DLGAP1: variants seen among roughly 807,000 people sequenced by gnomAD.
DLGAP1 encodes disks large-associated protein 1.
A neutral mutation model predicts 90.8 loss-of-function variants in DLGAP1; 11 were observed. That is an observed-to-expected ratio of 0.12 (90% CI 0.08 to 0.20). DLGAP1 has a LOEUF of 0.20. Ranked by LOEUF, DLGAP1 falls within the 10% of genes least tolerant of loss-of-function variation. The probability of loss-of-function intolerance (pLI) is 1.00; values close to 1 mark genes in which losing one functional copy is unlikely to be tolerated. For synonymous variants in DLGAP1, 558 were observed against 540.7 expected (o/e 1.03, Z -0.44); for missense variants, 1,050 against 1,333.8 (o/e 0.79, Z 3.31).
At chr18:3,652,034 C>T (rs372402944) in intron 7 of DLGAP1, among the ~76,000 whole-genome samples, 4 of 146,632 alleles carry the variant, frequency 2.7e-5, no homozygotes, top group East Asian at 2.0e-4. Context: ...CGTGGTGGCG[C>T]GCGCCTGTAG....
chr18:3,563,924 T>C (rs1016044726), intron 9 of DLGAP1, among the ~76,000 whole-genome samples: 10 of 152,236 alleles, frequency 6.6e-5, no homozygotes, highest in Admixed American at 4.6e-4. Flanking sequence ...CTCCAGCATT[T>C]CTTTTTAAAT....
chr18:4,067,703 C>G (rs1322438082), intron 2 of DLGAP1, among the ~76,000 whole-genome samples: 1 of 151,994 alleles, frequency 6.6e-6, no homozygotes, highest in Non-Finnish European at 1.5e-5. Flanking sequence ...ACACTCTCTT[C>G]TATTGATTCC....
At chr18:3,724,589 C>CA (rs1322035744) in intron 7 of DLGAP1, among the ~76,000 whole-genome samples, 2 of 151,324 alleles carry the variant, frequency 1.3e-5, no homozygotes, top group Non-Finnish European at 2.9e-5. Context: ...ACCAAAAATA[C>CA]AAAAAATTAT....
At chr18:3,850,104 C>A (rs7244898) in intron 4 of DLGAP1, among the ~76,000 whole-genome samples, 16,865 of 152,084 alleles carry the variant, frequency 0.11, 1,019 homozygotes, top group Middle Eastern at 0.13. Context: ...CAGTGGCTCA[C>A]GTCTGTAATC....
chr18:4,129,908 G>A (rs1303887741), intron 2 of DLGAP1, among the ~76,000 whole-genome samples: 2 of 152,136 alleles, frequency 1.3e-5, no homozygotes, highest in Non-Finnish European at 2.9e-5. Flanking sequence ...AACATAATCA[G>A]TACTATCCTT....
chr18:3,988,970 C>A (rs1427097633), intron 3 of DLGAP1, among the ~76,000 whole-genome samples: 2 of 152,192 alleles, frequency 1.3e-5, no homozygotes, highest in Non-Finnish European at 2.9e-5. Flanking sequence ...ATGAATTCCT[C>A]GTCACTGTCC....
chr18:4,242,199 T>G (rs1181550118), intron 1 of DLGAP1, among the ~76,000 whole-genome samples: 2 of 152,176 alleles, frequency 1.3e-5, no homozygotes, highest in Non-Finnish European at 2.9e-5. Flanking sequence ...TTCTTTGTTT[T>G]GGGAAGATTA....
At chr18:4,440,132 A>C (rs1473169445) in intron 1 of DLGAP1, among the ~76,000 whole-genome samples, 1 of 151,190 alleles carries the variant, frequency 6.6e-6, no homozygotes, top group Non-Finnish European at 1.5e-5. Flanking sequence ...AAAAAAAAAA[A>C]AAAAAAAAAA....
At chr18:3,837,641 G>C (rs888459538) in intron 4 of DLGAP1, among the ~76,000 whole-genome samples, 8 of 151,984 alleles carry the variant, frequency 5.3e-5, no homozygotes, top group African/African-American at 1.9e-4. Flanking sequence ...CTGAGCTCGG[G>C]AGTTTGAGAC....
At chr18:4,047,863 A>C (rs2075077300) in intron 2 of DLGAP1, among the ~76,000 whole-genome samples, 1 of 152,186 alleles carries the variant, frequency 6.6e-6, no homozygotes, top group Non-Finnish European at 1.5e-5. Context: ...TGGTTTGGTC[A>C]TAACTCACTG....
At chr18:4,276,258 C>T (rs2079411603) in intron 1 of DLGAP1, among the ~76,000 whole-genome samples, 1 of 150,858 alleles carries the variant, frequency 6.6e-6, no homozygotes, top group Admixed American at 6.6e-5. Flanking sequence ...CTGACTTTGA[C>T]TTTGGCTATA....
chr18:4,058,310 T>C (rs75138537), intron 2 of DLGAP1, among the ~76,000 whole-genome samples: 1,536 of 152,312 alleles, frequency 0.01, 14 homozygotes, highest in Middle Eastern at 0.017. Flanking sequence ...CTTGTTGCAT[T>C]TGTGTAGCAG....
intron 7 of DLGAP1, among the ~76,000 whole-genome samples, chr18:3,676,940 C>G (rs1283663795): frequency 1.3e-5 from 2 of 152,010 alleles, no homozygotes; most frequent in Admixed American, 6.6e-5. Flanking sequence ...TTCCCCTTGC[C>G]CTTTATGGAT....
At chr18:3,788,181 A>C (rs2065549351) in intron 5 of DLGAP1, among the ~76,000 whole-genome samples, 1 of 152,242 alleles carries the variant, frequency 6.6e-6, no homozygotes, top group Non-Finnish European at 1.5e-5. Context: ...TGCTTTTTCC[A>C]AAGTCTTTCT....
intron 4 of DLGAP1, among the ~76,000 whole-genome samples, chr18:3,844,807 T>C (rs114485556): frequency 0.012 from 1,804 of 152,268 alleles, 30 homozygotes; most frequent in African/African-American, 0.042. Flanking sequence ...CAACATGATG[T>C]ACGTATTCTG....
intron 1 of DLGAP1, among the ~76,000 whole-genome samples, chr18:4,241,929 C>T (rs1299488331): frequency 2.6e-5 from 4 of 151,738 alleles, no homozygotes; most frequent in African/African-American, 9.7e-5. Context: ...TATCATGTAC[C>T]ACATGTTGTT....
intron 7 of DLGAP1, among the ~76,000 whole-genome samples, chr18:3,657,686 T>C (rs2059544612): frequency 6.7e-6 from 1 of 150,134 alleles, no homozygotes; most frequent in Non-Finnish European, 1.5e-5. Flanking sequence ...CACTGCAAGC[T>C]CCGCCTCCCG....
At chr18:4,024,663 A>G (rs2074670337) in intron 2 of DLGAP1, among the ~76,000 whole-genome samples, 1 of 152,214 alleles carries the variant, frequency 6.6e-6, no homozygotes, top group Non-Finnish European at 1.5e-5. Context: ...AATATTGGGT[A>G]AAGACTACTA....
At chr18:3,641,586 T>C (rs1615634) in intron 7 of DLGAP1, among the ~76,000 whole-genome samples, 33,947 of 135,258 alleles carry the variant, frequency 0.25, 4,794 homozygotes, top group African/African-American at 0.39. Flanking sequence ...CATATATATA[T>C]ACACACACAC....
Sources: allele counts gnomAD v4.1 joint callset (sites outside exome capture counted in the v4.1 genomes callset), GRCh38; gene constraint gnomAD v4.1.1; transcripts MANE v1.5; gene names NCBI Gene and HGNC (gene_info 2026-07-23, HGNC 2026-07-21).